EFR3A: variants seen among roughly 807,000 people sequenced by gnomAD.
EFR3A encodes the protein EFR3 homolog A, also known as protein EFR3 homolog A.
Under a neutral mutation model 104.4 loss-of-function variants are expected in EFR3A, and 76 were observed. The observed-to-expected ratio is 0.73, with a 90% CI of 0.60 to 0.88. The LOEUF (loss-of-function observed/expected upper bound fraction) is 0.88. Among genes scored for constraint, EFR3A ranks in the 40% least tolerant of loss-of-function variants. The probability of loss-of-function intolerance (pLI) is 0.00; values close to 1 mark genes in which losing one functional copy is unlikely to be tolerated. For missense variants in EFR3A, 985 were observed against 1,012.5 expected, an observed-to-expected ratio of 0.97 and a Z score of 0.37; for synonymous variants, 330 against 330.0, an observed-to-expected ratio of 1.00 and a Z score of 0.00.
intron 1 of EFR3A, among the ~76,000 whole-genome samples, chr8:131,921,415 C>T (rs1817019104): frequency 6.6e-6 from 1 of 152,096 alleles, no homozygotes; most frequent in Non-Finnish European, 1.5e-5. Context: ...ACTGCAAAGA[C>T]CCCCCTCTCT....
chr8:131,922,836 T>C (rs1027865364), intron 1 of EFR3A, among the ~76,000 whole-genome samples: 2 of 152,180 alleles, frequency 1.3e-5, no homozygotes, highest in Non-Finnish European at 2.9e-5. Context: ...TTTGGTTTCT[T>C]GTTGTCTTTA....
chr8:131,947,301 A>G (rs1264855038), intron 4 of EFR3A, among the ~76,000 whole-genome samples: 3 of 151,844 alleles, frequency 2.0e-5, no homozygotes, highest in African/African-American at 4.8e-5. Context: ...CTCGTTGACT[A>G]TTGGGTATAT....
chr8:131,922,354 T>C (rs1485890090), intron 1 of EFR3A, among the ~76,000 whole-genome samples: 2 of 152,124 alleles, frequency 1.3e-5, no homozygotes, highest in Non-Finnish European at 2.9e-5. Flanking sequence ...ATTTGAAACT[T>C]TTGAGCTCCT....
At position 131,986,840 on chromosome 8, in the gene EFR3A, C is replaced by T. The variant is rs774561139; in HGVS notation, c.1937+579C>T. 1.6e-3 allele frequency among the ~76,000 whole-genome samples: 242 copies of T among 146,692 alleles called. 2 individuals are homozygous for T. The highest frequency in any genetic ancestry group is 4.1e-4 in the Non-Finnish European group (27 of 66,424). ...GAAAACTTACCCCACTTTTTAAAAA[C>T]TGTTGGATATGTCTCTTAAATATAG... On this transcript the variant is annotated intron_variant, in intron 17 of 22. Coordinates refer to ENST00000254624, the MANE Select transcript of EFR3A (RefSeq NM_015137.6).
intron 1 of EFR3A, among the ~76,000 whole-genome samples, chr8:131,923,938 TA>T (rs1458106177): frequency 1.3e-5 from 2 of 152,092 alleles, no homozygotes; most frequent in African/African-American, 2.4e-5. Flanking sequence ...TTTAAGCAAT[TA>T]AAAGCCCGCA....
At chr8:131,929,789 G>T (rs1274658135) in intron 1 of EFR3A, among the ~76,000 whole-genome samples, 1 of 152,104 alleles carries the variant, frequency 6.6e-6, no homozygotes, top group Non-Finnish European at 1.5e-5. Context: ...AGTTTCACCT[G>T]TGTCCCTCTC....
chr8:131,982,532 C>A (rs562781840), intron 14 of EFR3A, among the ~76,000 whole-genome samples: 1 of 152,100 alleles, frequency 6.6e-6, no homozygotes, highest in East Asian at 1.9e-4. Context: ...GTTATGTATT[C>A]TTCAGATTCA....
chr8:131,945,128 A>C (rs1818370303), intron 3 of EFR3A, among the ~76,000 whole-genome samples: 1 of 151,896 alleles, frequency 6.6e-6, no homozygotes, highest in Non-Finnish European at 1.5e-5. Context: ...TTGATTTTTG[A>C]GTCTTTTCTA....
At chr8:131,962,795 C>A (rs1444662475) in intron 8 of EFR3A, among the ~76,000 whole-genome samples, 2 of 152,176 alleles carry the variant, frequency 1.3e-5, no homozygotes, top group South Asian at 4.1e-4. Flanking sequence ...CACACTTATT[C>A]CAAAATTGAC....
At chr8:131,976,638 T>C (rs1354830613) in intron 11 of EFR3A, among the ~76,000 whole-genome samples, 1 of 152,144 alleles carries the variant, frequency 6.6e-6, no homozygotes, top group East Asian at 1.9e-4. Flanking sequence ...CTTACATTTC[T>C]TTGACCATAA....
intron 8 of EFR3A, among the ~76,000 whole-genome samples, chr8:131,966,509 G>A (rs1463096138): frequency 6.6e-6 from 1 of 152,062 alleles, no homozygotes; most frequent in Non-Finnish European, 1.5e-5. Context: ...TACATATTAA[G>A]CATTTTTCAT....
intron 6 of EFR3A, among the ~76,000 whole-genome samples, chr8:131,954,722 C>A (rs989286972): frequency 6.6e-6 from 1 of 150,818 alleles, no homozygotes; most frequent in Non-Finnish European, 1.5e-5. Context: ...GGCTTATTAT[C>A]CTGACTTTCC....
chr8:131,939,085 G>C (rs1296156968), intron 1 of EFR3A, among the ~76,000 whole-genome samples: 1 of 152,082 alleles, frequency 6.6e-6, no homozygotes, highest in Admixed American at 6.6e-5. Context: ...ATCATCATCT[G>C]CTTACCCTGA....
At chr8:131,984,098 T>C in intron 14 of EFR3A, 41 bp from the exon 15 acceptor site, 1 of 1,546,338 alleles carries the variant, frequency 6.5e-7, no homozygotes. Flanking sequence ...TTTTCTACAT[T>C]TTAAGCAAAA....
At chr8:131,912,285 G>A (rs1247359999) in intron 1 of EFR3A, among the ~76,000 whole-genome samples, 1 of 152,056 alleles carries the variant, frequency 6.6e-6, no homozygotes, top group African/African-American at 2.4e-5. Context: ...TGGAAGGGGT[G>A]GGAGATAAGC....
At chr8:131,977,615 C>CTAGCAATCAAATATTG (rs1448868956) in intron 12 of EFR3A, among the ~76,000 whole-genome samples, 10 of 152,274 alleles carry the variant, frequency 6.6e-5, no homozygotes, top group African/African-American at 2.2e-4. Flanking sequence ...AGCAATTGTA[C>CTAGCAATCAAATATTG]TCATATTTGA....
chr8:132,002,572 C>T lies in EFR3A; in HGVS notation c.2207-31C>T, dbSNP rs779712850. ...TGGGTTCTGTGAAATTATGTATTCC[C>T]TTTAATAAGTCTTTATAAATATTTG... On this transcript the variant is annotated intron_variant, in intron 20 of 22. Coordinates refer to ENST00000254624, the MANE Select transcript of EFR3A (RefSeq NM_015137.6). The T allele has an allele frequency of 2.6e-6, 4 of 1,556,294 alleles. 1 individual carries two copies. Among genetic ancestry groups the T allele is most frequent in the Middle Eastern group, 3.4e-4 (2 of 5,960 alleles).
chr8:131,969,346 A>C (rs2130697857), intron 9 of EFR3A, among the ~76,000 whole-genome samples: 1 of 152,254 alleles, frequency 6.6e-6, no homozygotes, highest in African/African-American at 2.4e-5. Context: ...AGGACCCCTG[A>C]GAATACCTAA....
At chr8:131,938,230 G>A (rs1021582129) in intron 1 of EFR3A, 7 of 397,676 alleles carry the variant, frequency 1.8e-5, no homozygotes, top group East Asian at 3.6e-5. Context: ...ACAACATGAA[G>A]GACTATGTTC....
Sources: gnomAD v4.1 joint callset for allele counts (sites outside exome capture counted in the v4.1 genomes callset) on GRCh38, gnomAD v4.1.1 for gene constraint, MANE v1.5 for transcripts, NCBI Gene and HGNC (gene_info 2026-07-23, HGNC 2026-07-21) for gene names.